Variants in CADM2 observed in about 807,000 individuals in gnomAD.
CADM2 encodes cell adhesion molecule 2.
A neutral mutation model predicts 49.8 loss-of-function variants in CADM2; 12 were observed. The observed-to-expected ratio is 0.24, with a 90% CI of 0.15 to 0.39. CADM2 has a LOEUF of 0.39. Ranked by LOEUF, CADM2 falls within the 10% of genes least tolerant of loss-of-function variation. CADM2 has a pLI of 1.00. For synonymous variants in CADM2, 214 were observed against 175.4 expected (o/e 1.22, Z -1.74); for missense variants, 378 against 492.3 (o/e 0.77, Z 2.20).
At chr3:85,762,127 A>G (rs761663551) in intron 2 of CADM2, among the ~76,000 whole-genome samples, 1 of 152,202 alleles carries the variant, frequency 6.6e-6, no homozygotes, top group Non-Finnish European at 1.5e-5. Flanking sequence ...AATCCTTTAC[A>G]TAACTAAGTG....
intron 1 of CADM2, among the ~76,000 whole-genome samples, chr3:85,186,348 C>G (rs114628914): frequency 0.028 from 4,207 of 152,122 alleles, 179 homozygotes; most frequent in African/African-American, 0.095. Flanking sequence ...AACCTAAATG[C>G]CACATAATCT....
chr3:85,163,515 A>G (rs899428405), intron 1 of CADM2, among the ~76,000 whole-genome samples: 2 of 152,072 alleles, frequency 1.3e-5, no homozygotes, highest in African/African-American at 2.4e-5. Context: ...ATAATTTGTC[A>G]TTTATTTGGA....
At chr3:85,520,735 C>T (rs73843640) in intron 1 of CADM2, among the ~76,000 whole-genome samples, 1,697 of 151,978 alleles carry the variant, frequency 0.011, 34 homozygotes, top group African/African-American at 0.038. Flanking sequence ...TAAAGAAATA[C>T]ATTAATTAAA....
At chr3:85,901,166 C>T (rs903999959) in intron 5 of CADM2, among the ~76,000 whole-genome samples, 1 of 152,064 alleles carries the variant, frequency 6.6e-6, no homozygotes, top group African/African-American at 2.4e-5. Flanking sequence ...TGCACTGCAG[C>T]CTGGGTGACA....
intron 3 of CADM2, among the ~76,000 whole-genome samples, chr3:85,878,093 T>C (rs1222475350): frequency 6.6e-6 from 1 of 152,134 alleles, no homozygotes; most frequent in Non-Finnish European, 1.5e-5. Flanking sequence ...TGGAAAATCT[T>C]GTTAGGCAGC....
At chr3:85,481,600 G>A (rs141412253) in intron 1 of CADM2, among the ~76,000 whole-genome samples, 30 of 151,634 alleles carry the variant, frequency 2.0e-4, no homozygotes, top group African/African-American at 6.8e-4. Flanking sequence ...CATAAACACC[G>A]GGTGAGGGGT....
intron 1 of CADM2, among the ~76,000 whole-genome samples, chr3:85,400,018 T>C (rs2035016304): frequency 6.6e-6 from 1 of 152,196 alleles, no homozygotes; most frequent in Non-Finnish European, 1.5e-5. Flanking sequence ...GGCATCCCTG[T>C]CTTGTGCCAG....
chr3:85,263,120 A>G (rs986439242), intron 1 of CADM2, among the ~76,000 whole-genome samples: 1 of 151,788 alleles, frequency 6.6e-6, no homozygotes, highest in Admixed American at 6.6e-5. Context: ...AGCCTCCGCA[A>G]TAGCTGGGAT....
intron 8 of CADM2, among the ~76,000 whole-genome samples, chr3:86,064,563 A>T (rs1023314770): frequency 2.6e-5 from 4 of 152,140 alleles, no homozygotes; most frequent in African/African-American, 4.8e-5. Flanking sequence ...TCCTTTGGGT[A>T]TATACCCAGT....
In CADM2 at chr3:85,877,459, C is replaced by T. The variant is rs141080669; in HGVS notation, c.239-5832C>T. Among the ~76,000 whole-genome samples, 11 of 152,096 alleles carry T rather than the reference C, an allele frequency of 7.2e-5. No individual in the cohort carries two copies. In the East Asian group the frequency reaches 1.7e-3, roughly 24 times the overall value. ...ATTTAGGTTCACTGTATATTTGGGA[C>T]CTGCTACATAGAAAAGTTAAATGAT... On this transcript the variant is annotated intron_variant, in intron 3 of 9. Coordinates refer to ENST00000383699, the MANE Select transcript of CADM2 (RefSeq NM_001167675.2).
At chr3:85,813,971 G>A (rs1341865125) in intron 3 of CADM2, among the ~76,000 whole-genome samples, 3 of 152,122 alleles carry the variant, frequency 2.0e-5, no homozygotes, top group Admixed American at 1.3e-4. Flanking sequence ...GTCAGGTAGT[G>A]TGATGCCTCC....
At chr3:85,809,814 G>A (rs1166757052) in intron 3 of CADM2, among the ~76,000 whole-genome samples, 2 of 119,234 alleles carry the variant, frequency 1.7e-5, no homozygotes, top group Non-Finnish European at 3.3e-5. Context: ...CTTTCTTTCT[G>A]TGGGAATTAT....
At chr3:85,475,772 G>A (rs374878200) in intron 1 of CADM2, among the ~76,000 whole-genome samples, 2 of 151,966 alleles carry the variant, frequency 1.3e-5, no homozygotes, top group South Asian at 2.1e-4. Flanking sequence ...TAAGATGAAT[G>A]GAAATCTACA....
intron 1 of CADM2, among the ~76,000 whole-genome samples, chr3:85,511,431 T>G (rs2040611789): frequency 6.6e-6 from 1 of 152,192 alleles, no homozygotes; most frequent in Non-Finnish European, 1.5e-5. Context: ...ACAGACCTGT[T>G]TTTTAAAATT....
At chr3:85,966,527 T>A (rs1022599395) in intron 8 of CADM2, among the ~76,000 whole-genome samples, 2 of 151,678 alleles carry the variant, frequency 1.3e-5, no homozygotes, top group Non-Finnish European at 3.0e-5. Context: ...CTTGCTATCA[T>A]TTAGAATGAA....
At chr3:85,305,565 G>C (rs143000914) in intron 1 of CADM2, among the ~76,000 whole-genome samples, 1 of 151,640 alleles carries the variant, frequency 6.6e-6, no homozygotes, top group African/African-American at 2.4e-5. Flanking sequence ...CCAATTGAAC[G>C]ATTAAATCTG....
At chr3:85,355,624 G>A (rs920082041) in intron 1 of CADM2, among the ~76,000 whole-genome samples, 5 of 152,084 alleles carry the variant, frequency 3.3e-5, no homozygotes, top group African/African-American at 4.8e-5. Flanking sequence ...CAAAACAATT[G>A]TAGATAATGG....
At chr3:85,490,389 G>C (rs957577922) in intron 1 of CADM2, among the ~76,000 whole-genome samples, 1 of 141,860 alleles carries the variant, frequency 7.0e-6, no homozygotes, top group Non-Finnish European at 1.6e-5. Context: ...ATTTTCATGA[G>C]TCAAAAAAAA....
intron 1 of CADM2, among the ~76,000 whole-genome samples, chr3:85,189,098 AAATAGACGAAGGTTCTG>A (rs2107720019): frequency 6.8e-6 from 1 of 148,122 alleles, no homozygotes; most frequent in Admixed American, 7.0e-5. Context: ...AATAGCGAGC[AAATAGACGAAGGTTCTG>A]AAGTTTGCAT....
Sources: allele counts gnomAD v4.1 joint callset (sites outside exome capture counted in the v4.1 genomes callset), GRCh38; gene constraint gnomAD v4.1.1; transcripts MANE v1.5; gene names NCBI Gene and HGNC (gene_info 2026-07-23, HGNC 2026-07-21).